FAF1: variants seen among roughly 807,000 people sequenced by gnomAD.
FAF1 encodes the protein FAS-associated factor 1.
Under a neutral mutation model 92.5 loss-of-function variants are expected in FAF1, and 25 were observed. The ratio of observed to expected loss-of-function variants is 0.27; its 90% CI spans 0.20 to 0.38. The LOEUF (loss-of-function observed/expected upper bound fraction) is 0.38. Ranked by LOEUF, FAF1 falls within the 10% of genes least tolerant of loss-of-function variation. The probability of loss-of-function intolerance (pLI) is 1.00; values close to 1 mark genes in which losing one functional copy is unlikely to be tolerated. For synonymous variants in FAF1, 234 were observed against 273.2 expected, an observed-to-expected ratio of 0.86 and a Z score of 1.42; for missense variants, 636 against 793.3, an observed-to-expected ratio of 0.80 and a Z score of 2.38.
intron 1 of FAF1, among the ~76,000 whole-genome samples, chr1:50,906,866 T>C (rs1378976566): frequency 6.6e-6 from 1 of 152,186 alleles, no homozygotes; most frequent in Non-Finnish European, 1.5e-5. Flanking sequence ...TTGAATCCCC[T>C]TTCTTTATTT....
chr1:50,683,476 G>A (rs561589129), intron 7 of FAF1, among the ~76,000 whole-genome samples: 25 of 151,166 alleles, frequency 1.7e-4, no homozygotes, highest in South Asian at 1.0e-3. Flanking sequence ...GCAGTGAGCC[G>A]AAATCGCGCC....
intron 4 of FAF1, among the ~76,000 whole-genome samples, chr1:50,756,991 A>C (rs1360435558): frequency 3.3e-5 from 5 of 152,160 alleles, no homozygotes; most frequent in Non-Finnish European, 7.3e-5. Context: ...AATATTTTCT[A>C]CTTTCCCTTG....
At chr1:50,818,193 T>C (rs2124614674) in intron 2 of FAF1, among the ~76,000 whole-genome samples, 1 of 152,240 alleles carries the variant, frequency 6.6e-6, no homozygotes, top group East Asian at 1.9e-4. Context: ...CACAAAAAAT[T>C]CCATCTTAAA....
intron 1 of FAF1, among the ~76,000 whole-genome samples, chr1:50,949,682 C>CA (rs1205384871): frequency 3.3e-5 from 5 of 152,114 alleles, no homozygotes; most frequent in Non-Finnish European, 7.4e-5. Flanking sequence ...ACTTTATTTA[C>CA]AAAAAAAGGT....
chr1:50,544,789 C>G (rs922296627), intron 13 of FAF1, among the ~76,000 whole-genome samples: 1 of 151,998 alleles, frequency 6.6e-6, no homozygotes, highest in Non-Finnish European at 1.5e-5. Context: ...GGGAAAGTCT[C>G]AATGAAACGC....
chr1:50,678,744 C>T (rs1656270446), intron 7 of FAF1, among the ~76,000 whole-genome samples: 1 of 128,366 alleles, frequency 7.8e-6, no homozygotes, highest in Admixed American at 9.2e-5. Flanking sequence ...TGTGCCACTG[C>T]ACTCCAGACT....
chr1:50,858,868 C>T (rs903406270), intron 1 of FAF1, among the ~76,000 whole-genome samples: 1 of 151,764 alleles, frequency 6.6e-6, no homozygotes, highest in East Asian at 1.9e-4. Flanking sequence ...GGTGACCCAG[C>T]TCATGGCAGT....
rs548358111 is a variant in FAF1 at position 50,609,122 on chromosome 1, G to A, written c.745-12906C>T. Among the ~76,000 whole-genome samples the A allele has an allele frequency of 3.3e-5, 5 of 152,308 alleles. No individual in the cohort carries two copies. The East Asian group carries it at 9.7e-4, about 29-fold the overall frequency. Reference sequence around the variant, plus strand: ...CAATGTGTCAAGACCTCAGCTGAGTGCTAGAGATAGAGCCAATGGTGAACA... The same window carrying A: ...CAATGTGTCAAGACCTCAGCTGAGTACTAGAGATAGAGCCAATGGTGAACA... On this transcript the variant is annotated intron_variant, in intron 8 of 18. Transcript: ENST00000396153.
At chr1:50,623,710 G>C (rs1414737071) in intron 8 of FAF1, among the ~76,000 whole-genome samples, 1 of 152,144 alleles carries the variant, frequency 6.6e-6, no homozygotes, top group African/African-American at 2.4e-5. Flanking sequence ...GAGAGGCCAA[G>C]GTGGGAGGAT....
At chr1:50,862,203 G>C (rs1351212947) in intron 1 of FAF1, among the ~76,000 whole-genome samples, 1 of 151,464 alleles carries the variant, frequency 6.6e-6, no homozygotes, top group African/African-American at 2.4e-5. Flanking sequence ...AGTATGCAGA[G>C]AACCAACAAA....
rs150396308 is a variant in FAF1 at position 50,631,472 on chromosome 1, G to A, written c.744+23970C>T. On this transcript the variant is annotated intron_variant, in intron 8 of 18. Coordinates refer to ENST00000396153, the MANE Select transcript of FAF1 (RefSeq NM_007051.3). Reference sequence around the variant, plus strand: ...ACTGTCAAGGTATCACAGTGCTTGTGTTTAAGTTACCCTTATTTTACTTAA... The same window carrying A: ...ACTGTCAAGGTATCACAGTGCTTGTATTTAAGTTACCCTTATTTTACTTAA... 1.4e-4 allele frequency among the ~76,000 whole-genome samples: 22 copies of A among 152,194 alleles called. No homozygotes were observed. The East Asian group carries it at 4.2e-3, about 29-fold the overall frequency.
At position 50,584,675 on chromosome 1, in the gene FAF1, T is replaced by C; in HGVS notation, c.967+10A>G. ...TCTATTGCTGGACCCAAAGAGCTAT[T>C]AATACTCACTCATTGGAGATTTTCT... On this transcript the variant is annotated intron_variant, in intron 10 of 18. Transcript: ENST00000396153. 1.2e-6 allele frequency: 2 copies of C among 1,612,506 alleles called. No homozygotes were observed. Among genetic ancestry groups the C allele is most frequent in the Non-Finnish European group, 1.7e-6 (2 of 1,179,124 alleles).
chr1:50,772,473 A>C (rs1382271095), intron 4 of FAF1, among the ~76,000 whole-genome samples: 2 of 152,230 alleles, frequency 1.3e-5, no homozygotes, highest in Non-Finnish European at 2.9e-5. Context: ...GGTAGACTGG[A>C]TGAAGAAAAT....
At chr1:50,537,847 G>C (rs1648564849) in intron 14 of FAF1, among the ~76,000 whole-genome samples, 3 of 152,060 alleles carry the variant, frequency 2.0e-5, no homozygotes. Flanking sequence ...GTTGGAAAAG[G>C]GACAAGTATT....
intron 8 of FAF1, among the ~76,000 whole-genome samples, chr1:50,625,810 C>T (rs781012099): frequency 1.1e-4 from 16 of 151,868 alleles, no homozygotes; most frequent in African/African-American, 3.6e-4. Context: ...TTGTAGGCAA[C>T]GGGAAACCAC....
At chr1:50,710,372 T>C (rs983843550) in intron 6 of FAF1, among the ~76,000 whole-genome samples, 4 of 152,194 alleles carry the variant, frequency 2.6e-5, no homozygotes, top group African/African-American at 9.6e-5. Flanking sequence ...ATAATATTTA[T>C]GGCTTTAAAC....
intron 1 of FAF1, among the ~76,000 whole-genome samples, chr1:50,884,056 C>T (rs1006594926): frequency 5.9e-5 from 9 of 151,650 alleles, no homozygotes; most frequent in Admixed American, 2.0e-4. Flanking sequence ...ACCCAGGAGG[C>T]GGAAGTTGCA....
chr1:50,482,452 T>C (rs1646715119), intron 17 of FAF1, among the ~76,000 whole-genome samples: 1 of 152,300 alleles, frequency 6.6e-6, no homozygotes, highest in East Asian at 1.9e-4. Flanking sequence ...TATTTTTGTA[T>C]GAATGTAAAC....
At chr1:50,552,321 C>A (rs1402234749) in intron 13 of FAF1, among the ~76,000 whole-genome samples, 2 of 150,872 alleles carry the variant, frequency 1.3e-5, no homozygotes, top group East Asian at 3.9e-4. Flanking sequence ...AAAACTTCAG[C>A]TAGAGGGTTT....
Sources: allele counts gnomAD v4.1 joint callset (sites outside exome capture counted in the v4.1 genomes callset), GRCh38; gene constraint gnomAD v4.1.1; transcripts MANE v1.5; gene names NCBI Gene and HGNC (gene_info 2026-07-23, HGNC 2026-07-21).